Variants in EDA observed in about 807,000 individuals in gnomAD.
EDA encodes ectodysplasin A.
Under a neutral mutation model 23.6 loss-of-function variants are expected in EDA, and 2 were observed. That is an observed-to-expected ratio of 0.08 (90% CI 0.03 to 0.27). The LOEUF (loss-of-function observed/expected upper bound fraction) is 0.27. EDA is among the 10% of genes least tolerant of loss of function. The pLI is 1.00. For missense variants in EDA, 229 were observed against 324.2 expected (o/e 0.71, Z 2.26); for synonymous variants, 131 against 132.0 (o/e 0.99, Z 0.05).
chrX:69,808,830 T>C (rs189397944), intron 1 of EDA, among the ~76,000 whole-genome samples: 1 of 112,094 alleles, frequency 8.9e-6, no homozygotes, highest in East Asian at 2.8e-4. Context: ...TTGAGTGGAG[T>C]CAATATTATT....
intron 1 of EDA, among the ~76,000 whole-genome samples, chrX:69,716,402 C>A (rs1233905320): frequency 9.0e-6 from 1 of 111,101 alleles, no homozygotes; most frequent in African/African-American, 3.3e-5. Context: ...TATTTCTAGG[C>A]TCTCTATTCT....
chrX:69,775,378 C>T (rs958393476), intron 1 of EDA, among the ~76,000 whole-genome samples: 11 of 111,929 alleles, frequency 9.8e-5, no homozygotes, highest in South Asian at 3.7e-4. Context: ...TTCTCTATTT[C>T]CATTCTGTCT....
chrX:69,679,965 TA>T, intron 1 of EDA, among the ~76,000 whole-genome samples: 1 of 107,302 alleles, frequency 9.3e-6, no homozygotes. Flanking sequence ...TTTAGTGCTA[TA>T]AATTTCCCTC....
At chrX:69,951,747 C>T (rs899437146) in intron 1 of EDA, among the ~76,000 whole-genome samples, 38 of 111,597 alleles carry the variant, frequency 3.4e-4, no homozygotes, top group African/African-American at 1.2e-3. Flanking sequence ...TGGATGTATC[C>T]CTCATGTCTC....
chrX:69,734,881 G>C (rs182442216), intron 1 of EDA, among the ~76,000 whole-genome samples: 5 of 111,532 alleles, frequency 4.5e-5, no homozygotes, highest in Admixed American at 2.9e-4. Flanking sequence ...GCATGTGTTG[G>C]TGAGGATGTG....
chrX:69,810,872 G>C (rs1017434707), intron 1 of EDA, among the ~76,000 whole-genome samples: 35 of 111,359 alleles, frequency 3.1e-4, no homozygotes, highest in African/African-American at 1.1e-3. Flanking sequence ...CATTTTTATA[G>C]TTGTCCATTA....
At chrX:69,733,205 G>A (rs1319701342) in intron 1 of EDA, among the ~76,000 whole-genome samples, 1 of 111,516 alleles carries the variant, frequency 9.0e-6, no homozygotes, top group Non-Finnish European at 1.9e-5. Flanking sequence ...TATTGCCTAG[G>A]TTTTCTTCCA....
chrX:69,752,203 G>C (rs1046801383), intron 1 of EDA, among the ~76,000 whole-genome samples: 4 of 111,251 alleles, frequency 3.6e-5, no homozygotes, highest in Non-Finnish European at 7.5e-5. Flanking sequence ...GTTTGATATT[G>C]GCTGTGGGTT....
chrX:69,658,212 TTGTGTGTGTGTGTGTG>T (rs3138864), intron 1 of EDA, among the ~76,000 whole-genome samples: 1 of 90,894 alleles, frequency 1.1e-5, no homozygotes, highest in Admixed American at 1.2e-4. Context: ...TCCTAGGTAT[TTGTGTGTGTGTGTGTG>T]TGTGTGTGTG....
chrX:69,830,552 A>G (rs979787304), intron 1 of EDA, among the ~76,000 whole-genome samples: 2 of 111,849 alleles, frequency 1.8e-5, no homozygotes, highest in African/African-American at 6.5e-5. Context: ...TAGGTGCCAC[A>G]TGAGATTTCC....
chrX:69,619,790 T>C (rs770747365), intron 1 of EDA, among the ~76,000 whole-genome samples: 2 of 112,056 alleles, frequency 1.8e-5, no homozygotes, highest in Admixed American at 1.9e-4. Flanking sequence ...TCTGTGGAGA[T>C]GTTGCGCCGG....
chrX:69,814,442 T>TA (rs768673800), intron 1 of EDA, among the ~76,000 whole-genome samples: 5 of 113,227 alleles, frequency 4.4e-5, no homozygotes, highest in Non-Finnish European at 9.4e-5. Flanking sequence ...TCCTCTTACT[T>TA]ATTTGTACAG....
intron 1 of EDA, among the ~76,000 whole-genome samples, chrX:69,906,065 T>G (rs759440195): frequency 8.9e-6 from 1 of 111,909 alleles, no homozygotes; most frequent in East Asian, 2.8e-4. Flanking sequence ...TCTTTGAGTA[T>G]AGACTATACC....
intron 1 of EDA, among the ~76,000 whole-genome samples, chrX:69,747,521 CAG>C (rs2013661040): frequency 8.9e-6 from 1 of 112,182 alleles, no homozygotes; most frequent in African/African-American, 3.2e-5. Flanking sequence ...TGCAACCTAT[CAG>C]ATTGTGCTTT....
intron 1 of EDA, among the ~76,000 whole-genome samples, chrX:69,660,654 C>T (rs1402007538): frequency 9.0e-6 from 1 of 111,222 alleles, no homozygotes; most frequent in South Asian, 3.8e-4. Context: ...ATCCATGTCC[C>T]TACAAAGGGC....
At chrX:69,789,805 T>C (rs2015346066) in intron 1 of EDA, among the ~76,000 whole-genome samples, 1 of 112,253 alleles carries the variant, frequency 8.9e-6, no homozygotes, top group African/African-American at 3.2e-5. Flanking sequence ...AAAAAGTAGA[T>C]AGGTGATCTA....
At chrX:69,935,169 ATCT>A (rs1414538166) in intron 1 of EDA, among the ~76,000 whole-genome samples, 1 of 112,100 alleles carries the variant, frequency 8.9e-6, no homozygotes, top group Non-Finnish European at 1.9e-5. Context: ...TGTGTACCAT[ATCT>A]TCTTTATCCA....
intron 1 of EDA, among the ~76,000 whole-genome samples, chrX:69,838,154 A>T (rs2147555682): frequency 8.9e-6 from 1 of 111,831 alleles, no homozygotes; most frequent in African/African-American, 3.2e-5. Context: ...TCTGAGTGGA[A>T]CTCTGTTTCA....
At chrX:69,677,727 C>A (rs1464608290) in intron 1 of EDA, among the ~76,000 whole-genome samples, 1 of 111,653 alleles carries the variant, frequency 9.0e-6, no homozygotes, top group African/African-American at 3.3e-5. Context: ...GATGTTAGCC[C>A]TTTGTCAGAT....
Sources: gnomAD v4.1 joint callset for allele counts (sites outside exome capture counted in the v4.1 genomes callset) on GRCh38, gnomAD v4.1.1 for gene constraint, MANE v1.5 for transcripts, NCBI Gene and HGNC (gene_info 2026-07-23, HGNC 2026-07-21) for gene names.